KYNU: variants seen among roughly 807,000 people sequenced by gnomAD.
The protein encoded by KYNU is L-kynurenine hydrolase.
KYNU carries 54 observed loss-of-function variants against 59.2 expected under a neutral mutation model. That is an observed-to-expected ratio of 0.91 (90% CI 0.73 to 1.14). The LOEUF (loss-of-function observed/expected upper bound fraction) is 1.14. Ranked by LOEUF, KYNU falls within the 50% of genes most tolerant of loss-of-function variation. The probability of loss-of-function intolerance (pLI) is 0.00; values close to 1 mark genes in which losing one functional copy is unlikely to be tolerated. For missense variants in KYNU, 567 were observed against 554.4 expected, an observed-to-expected ratio of 1.02 and a Z score of -0.23; for synonymous variants, 177 against 192.0, an observed-to-expected ratio of 0.92 and a Z score of 0.65.
Position 142,921,899 on chromosome 2 carries a change from A to C in KYNU, c.290+3170A>C, listed in dbSNP as rs1682898100. Among the ~76,000 whole-genome samples the C allele has an allele frequency of 2.0e-5, 3 of 152,118 alleles. No homozygotes were observed. In the South Asian group the frequency reaches 6.2e-4, roughly 31 times the overall value. On this transcript the variant is annotated intron_variant, in intron 3 of 13. Transcript: ENST00000264170. ...ACTTCAGTGGTCTGTTGGTCTCTTCAGTTTTCATTCTCACTGTTGCCTTGT... is the reference window on the plus strand; with the variant it reads ...ACTTCAGTGGTCTGTTGGTCTCTTCCGTTTTCATTCTCACTGTTGCCTTGT...
At chr2:143,030,854 C>A (rs1387825748) in intron 11 of KYNU, among the ~76,000 whole-genome samples, 1 of 152,060 alleles carries the variant, frequency 6.6e-6, no homozygotes, top group Non-Finnish European at 1.5e-5. Flanking sequence ...CTTAGCCTAG[C>A]CTACCTTAAA....
Position 142,895,832 on chromosome 2 carries a change from G to C in KYNU, c.169+10296G>C, listed in dbSNP as rs1681855165. Among the ~76,000 whole-genome samples the C allele has an allele frequency of 3.3e-5, 5 of 152,044 alleles. No homozygotes were observed. The South Asian group carries it at 1.0e-3, about 32-fold the overall frequency. On this transcript the variant is annotated intron_variant, in intron 2 of 13. Transcript: ENST00000264170. Reference sequence around the variant, plus strand: ...CCTGAGTAGCCAGGGCTACAGGCGTGCACCACCACACCAGTCTCATTTTTT... The same window carrying C: ...CCTGAGTAGCCAGGGCTACAGGCGTCCACCACCACACCAGTCTCATTTTTT...
intron 8 of KYNU, among the ~76,000 whole-genome samples, chr2:142,968,892 G>A (rs1316671188): frequency 6.6e-6 from 1 of 152,016 alleles, no homozygotes; most frequent in Non-Finnish European, 1.5e-5. Context: ...CAGCCTGCTG[G>A]ACAGAGTGAG....
At chr2:142,944,674 A>G (rs1368278465) in intron 4 of KYNU, among the ~76,000 whole-genome samples, 1 of 150,516 alleles carries the variant, frequency 6.6e-6, no homozygotes, top group Non-Finnish European at 1.5e-5. Flanking sequence ...GTTAACTTTT[A>G]AAAAAAAAAG....
At chr2:142,927,979 TACTTTAA>T (rs1389579866) in intron 4 of KYNU, among the ~76,000 whole-genome samples, 2 of 152,296 alleles carry the variant, frequency 1.3e-5, no homozygotes, top group Non-Finnish European at 1.5e-5. Flanking sequence ...TTTTCTGTCA[TACTTTAA>T]ATGTAATATT....
chr2:142,908,276 T>A (rs1476739512), intron 2 of KYNU, among the ~76,000 whole-genome samples: 1 of 152,156 alleles, frequency 6.6e-6, no homozygotes, highest in African/African-American at 2.4e-5. Context: ...TCATATGTAT[T>A]TTATTATTGA....
intron 4 of KYNU, among the ~76,000 whole-genome samples, chr2:142,938,248 T>C (rs1392009589): frequency 2.0e-5 from 3 of 152,226 alleles, no homozygotes; most frequent in Non-Finnish European, 4.4e-5. Flanking sequence ...TCCAAAACAG[T>C]ATCCTCCCAT....
intron 1 of KYNU, among the ~76,000 whole-genome samples, chr2:142,881,812 C>T (rs1681306826): frequency 6.6e-6 from 1 of 152,006 alleles, no homozygotes; most frequent in African/African-American, 2.4e-5. Context: ...GCACAATTAG[C>T]TCACTGCAAC....
intron 10 of KYNU, among the ~76,000 whole-genome samples, chr2:142,992,766 A>T (rs998582655): frequency 5.3e-5 from 8 of 152,068 alleles, no homozygotes; most frequent in African/African-American, 1.9e-4. Flanking sequence ...TATTAAAGAG[A>T]CATGAACAAA....
chr2:142,994,552 C>T lies in KYNU; in HGVS notation c.902+8531C>T, dbSNP rs184100918. On this transcript the variant is annotated intron_variant, in intron 10 of 13. Coordinates refer to ENST00000264170, the MANE Select transcript of KYNU (RefSeq NM_003937.3). The stretch of plus-strand genomic sequence containing the variant: ...CTTTGGTCAGGATTTAAGAAGATTT[C>T]GCACAAGCCATGGCAATTTAGGCAG... 3.8e-4 allele frequency among the ~76,000 whole-genome samples: 58 copies of T among 152,136 alleles called. No homozygotes were observed. In the East Asian group the frequency reaches 4.3e-3, roughly 11 times the overall value.
intron 4 of KYNU, among the ~76,000 whole-genome samples, chr2:142,938,629 T>G (rs1412464398): frequency 6.6e-6 from 1 of 152,204 alleles, no homozygotes; most frequent in East Asian, 1.9e-4. Context: ...AAGCCAAACT[T>G]GAAATATGTA....
intron 4 of KYNU, among the ~76,000 whole-genome samples, chr2:142,943,853 C>T (rs115590177): frequency 1.5e-3 from 230 of 152,250 alleles, no homozygotes; most frequent in African/African-American, 5.0e-3. Flanking sequence ...TTGGACTTAG[C>T]CTAATTACAA....
chr2:142,931,454 A>T (rs1030753476), intron 4 of KYNU, among the ~76,000 whole-genome samples: 10 of 152,178 alleles, frequency 6.6e-5, no homozygotes, highest in African/African-American at 2.4e-4. Flanking sequence ...CAAGACAGTT[A>T]TGTTGAGAGG....
chr2:143,022,750 A>C (rs948207905), intron 10 of KYNU, among the ~76,000 whole-genome samples: 9 of 151,882 alleles, frequency 5.9e-5, no homozygotes, highest in Non-Finnish European at 5.9e-5. Flanking sequence ...ATATTCTCCC[A>C]AAAAATTATT....
chr2:143,045,601 ATGGGAGT>A lies in KYNU; in HGVS notation c.*3431_*3437del, dbSNP rs1687152693. On this transcript the variant is annotated 3_prime_UTR_variant, in exon 14 of 14. Transcript: ENST00000264170. ...TTTATTCTCTTTGCAGCAATTGTGA[ATGGGAGT>A]TCACTCATGATTTGGTTCTCTGTTT... The A allele has an allele frequency of 6.6e-6, 1 of 152,126 alleles. No homozygotes were observed. The highest frequency in any genetic ancestry group is 1.5e-5 in the Non-Finnish European group (1 of 68,054). The allele number at this position is 152,126 out of a possible 1,614,324, so 9.4% of individuals were successfully genotyped here.
chr2:142,895,759 A>G (rs1681851080), intron 2 of KYNU, among the ~76,000 whole-genome samples: 1 of 152,074 alleles, frequency 6.6e-6, no homozygotes, highest in Non-Finnish European at 1.5e-5. Context: ...ATCACAGCTC[A>G]CTGCAGCCTT....
At chr2:143,026,553 C>T (rs1043438722) in intron 10 of KYNU, among the ~76,000 whole-genome samples, 4 of 152,200 alleles carry the variant, frequency 2.6e-5, no homozygotes, top group African/African-American at 9.6e-5. Flanking sequence ...ACCCCACTCA[C>T]TCGGACCTGC....
At chr2:142,880,272 G>A (rs896628192) in intron 1 of KYNU, among the ~76,000 whole-genome samples, 4 of 152,208 alleles carry the variant, frequency 2.6e-5, no homozygotes, top group African/African-American at 9.7e-5. Flanking sequence ...TAATCTGATA[G>A]TAAGGCAGAA....
intron 8 of KYNU, among the ~76,000 whole-genome samples, chr2:142,978,661 G>T (rs1394051892): frequency 6.6e-6 from 1 of 152,122 alleles, no homozygotes; most frequent in Non-Finnish European, 1.5e-5. Flanking sequence ...TGCAACCATG[G>T]TTGGTTAGTC....
Sources: gnomAD v4.1 joint callset for allele counts (sites outside exome capture counted in the v4.1 genomes callset) on GRCh38, gnomAD v4.1.1 for gene constraint, MANE v1.5 for transcripts, NCBI Gene and HGNC (gene_info 2026-07-23, HGNC 2026-07-21) for gene names.